PCSK5: variants seen among roughly 807,000 people sequenced by gnomAD.
The protein encoded by PCSK5 is prohormone convertase 5.
In PCSK5, 129 loss-of-function variants were observed where a neutral mutation model predicts 233.2. The ratio of observed to expected loss-of-function variants is 0.55; its 90% CI spans 0.48 to 0.64. The LOEUF (loss-of-function observed/expected upper bound fraction) is 0.64, where lower values mean the gene tolerates loss of function less well. Ranked by LOEUF, PCSK5 falls within the 30% of genes least tolerant of loss-of-function variation. The pLI is 0.00. For missense variants in PCSK5, 2,076 were observed against 2,430.1 expected (o/e 0.85, Z 3.06); for synonymous variants, 825 against 879.2 (o/e 0.94, Z 1.09).
chr9:76,323,141 T>C lies in PCSK5; in HGVS notation c.4192T>C (p.Cys1398Arg). 1 of 1,612,438 alleles carries C rather than the reference T, an allele frequency of 6.2e-7. No homozygotes were observed. Among genetic ancestry groups the C allele is most frequent in the Non-Finnish European group, 8.5e-7 (1 of 1,179,570 alleles). Residue 1398 changes from cysteine to arginine, a missense_variant, in exon 32 of 38, where the codon TGC becomes CGC. Around this residue, in one of 6 missense-constraint regions of PCSK5, gnomAD observed 1,510 missense variants for 1,538.1 expected, o/e 0.98. Transcript: ENST00000674117. ...FYADSRHCVP[C>R]HKDCLECSGP... is the part of the protein sequence containing the mutation. ...TGCAGACTCGCGCCACTGTGTCCCC[T>C]GCCATAAAGACTGTCTGGAGTGCAG...
Position 76,061,936 on chromosome 9 carries a change from C to T in PCSK5, c.633-6019C>T, listed in dbSNP as rs192122267. Among the ~76,000 whole-genome samples the T allele has an allele frequency of 6.3e-4, 96 of 152,058 alleles. No individual in the cohort carries two copies. In the East Asian group the frequency reaches 0.018, roughly 28 times the overall value. On this transcript the variant is annotated intron_variant, in intron 5 of 37. Coordinates refer to ENST00000674117, the MANE Select transcript of PCSK5 (RefSeq NM_001372043.1). ...TTTTTGATGATGACAATGATATAATCAAATGCCAGAATGGGAAGATAATTA... is the reference window on the plus strand; with the variant it reads ...TTTTTGATGATGACAATGATATAATTAAATGCCAGAATGGGAAGATAATTA...
At chr9:75,952,496 T>C (rs1216444132) in intron 2 of PCSK5, among the ~76,000 whole-genome samples, 2 of 152,224 alleles carry the variant, frequency 1.3e-5, no homozygotes, top group Admixed American at 6.5e-5. Flanking sequence ...TTATCCTGTT[T>C]ATTGGACAGT....
chr9:75,978,869 C>CTTTTTTTTTTTTTTTTTTTTTTTTTTT (rs5898441), intron 2 of PCSK5, among the ~76,000 whole-genome samples: 2 of 128,042 alleles, frequency 1.6e-5, no homozygotes, highest in African/African-American at 2.8e-5. Flanking sequence ...GAATGTTTCC[C>CTTTTTTTTTTTTTTTTTTTTTTTTTTT]TTTTTTTTTT....
intron 24 of PCSK5, among the ~76,000 whole-genome samples, chr9:76,275,731 A>G (rs1455877266): frequency 6.6e-6 from 1 of 152,156 alleles, no homozygotes; most frequent in African/African-American, 2.4e-5. Flanking sequence ...GGCTGATGAA[A>G]TACTAATTAT....
intron 1 of PCSK5, among the ~76,000 whole-genome samples, chr9:75,926,662 T>C (rs951122027): frequency 4.6e-5 from 7 of 152,212 alleles, no homozygotes; most frequent in African/African-American, 1.7e-4. Flanking sequence ...GGTTTATCTG[T>C]CTTAGAATTT....
intron 24 of PCSK5, among the ~76,000 whole-genome samples, chr9:76,272,773 C>CAGA (rs1827560117): frequency 2.0e-5 from 1 of 49,952 alleles, no homozygotes; most frequent in Non-Finnish European, 3.8e-5. Flanking sequence ...GACTCCATCT[C>CAGA]AAAAAAAAAA....
At chr9:76,091,767 C>T (rs529929521) in intron 7 of PCSK5, among the ~76,000 whole-genome samples, 1 of 152,320 alleles carries the variant, frequency 6.6e-6, no homozygotes, top group South Asian at 2.1e-4. Context: ...CGATTAGCCC[C>T]TCTGTCACCA....
intron 6 of PCSK5, among the ~76,000 whole-genome samples, chr9:76,069,686 A>C (rs1487650126): frequency 6.6e-6 from 1 of 152,206 alleles, no homozygotes; most frequent in Non-Finnish European, 1.5e-5. Flanking sequence ...TTTTTCATGC[A>C]TGACATAGAA....
chr9:75,906,029 A>G (rs1826250690), intron 1 of PCSK5, among the ~76,000 whole-genome samples: 1 of 152,250 alleles, frequency 6.6e-6, no homozygotes, highest in Admixed American at 6.5e-5. Flanking sequence ...CAATACAATT[A>G]CATTTGTCTG....
intron 26 of PCSK5, among the ~76,000 whole-genome samples, chr9:76,296,162 C>T (rs553795717): frequency 6.6e-6 from 1 of 152,214 alleles, no homozygotes; most frequent in South Asian, 2.1e-4. Flanking sequence ...CTCACTGCAA[C>T]CTCTGTTGGC....
chr9:76,323,479 G>A (rs1408182962), intron 32 of PCSK5, among the ~76,000 whole-genome samples, 191 bp downstream of exon 32: 2 of 152,146 alleles, frequency 1.3e-5, no homozygotes, highest in Admixed American at 1.3e-4. Context: ...CGCCTCCTGG[G>A]CTCAAGTGAT....
chr9:76,296,142 G>T (rs1042400329), intron 26 of PCSK5, among the ~76,000 whole-genome samples: 1 of 152,112 alleles, frequency 6.6e-6, no homozygotes, highest in Admixed American at 6.6e-5. Context: ...GTGCAGTGGC[G>T]CAATCTCAGC....
intron 9 of PCSK5, among the ~76,000 whole-genome samples, chr9:76,110,228 G>T (rs945683926): frequency 6.8e-6 from 1 of 147,728 alleles, no homozygotes; most frequent in Non-Finnish European, 1.5e-5. Flanking sequence ...GGTATGCATG[G>T]CCTGCCAGGG....
At chr9:75,926,011 G>A (rs1309163562) in intron 1 of PCSK5, among the ~76,000 whole-genome samples, 3 of 152,176 alleles carry the variant, frequency 2.0e-5, no homozygotes, top group East Asian at 3.9e-4. Flanking sequence ...CAAGAACAAT[G>A]GTCTTGATGA....
chr9:76,125,705 G>GA (rs1358645358), intron 9 of PCSK5, among the ~76,000 whole-genome samples: 3 of 152,076 alleles, frequency 2.0e-5, no homozygotes, highest in East Asian at 1.9e-4. Context: ...GGTTGTACAA[G>GA]AAAAAAATCC....
chr9:76,348,283 C>T (rs1180870457), intron 35 of PCSK5, among the ~76,000 whole-genome samples: 1 of 152,136 alleles, frequency 6.6e-6, no homozygotes, highest in Non-Finnish European at 1.5e-5. Flanking sequence ...TGGTGGTGCA[C>T]ACCTGTAGTC....
At chr9:75,936,341 C>G (rs904725126) in intron 2 of PCSK5, among the ~76,000 whole-genome samples, 1 of 152,220 alleles carries the variant, frequency 6.6e-6, no homozygotes, top group Admixed American at 6.5e-5. Flanking sequence ...GTTGTAGTCA[C>G]AAAAGATTTC....
intron 24 of PCSK5, among the ~76,000 whole-genome samples, chr9:76,267,949 A>G (rs1269572589): frequency 2.2e-5 from 1 of 45,000 alleles, no homozygotes; most frequent in Non-Finnish European, 3.9e-5. Flanking sequence ...GCTTATGGGT[A>G]TACACACACA....
rs748023745 is a variant in PCSK5, at chr9:76,358,934, C to A, written c.*12C>A. On this transcript the variant is annotated 3_prime_UTR_variant, in exon 38 of 38. Transcript: ENST00000674117. ...CCTACTACCAGTAAACAGGCACTCC[C>A]CCACCAACACCACCATTCCACTCTC... The A allele has an allele frequency of 1.1e-5, 17 of 1,606,226 alleles. No homozygotes were observed. In the Admixed American group the frequency reaches 2.2e-4, roughly 21 times the overall value.
Sources: allele counts gnomAD v4.1 joint callset (sites outside exome capture counted in the v4.1 genomes callset), GRCh38; gene constraint gnomAD v4.1.1; regional missense constraint gnomAD v4.1.1; transcripts MANE v1.5; gene names NCBI Gene and HGNC (gene_info 2026-07-23, HGNC 2026-07-21).